Variants in DAAM1 observed in about 807,000 individuals in gnomAD.
DAAM1 encodes the protein dishevelled associated activator of morphogenesis 1.
In DAAM1, 52 loss-of-function variants were observed where a neutral mutation model predicts 130.0. That is an observed-to-expected ratio of 0.40 (90% CI 0.32 to 0.50). The LOEUF is 0.50. Among genes scored for constraint, DAAM1 ranks in the 20% least tolerant of loss-of-function variants. The pLI, the probability that DAAM1 is intolerant of heterozygous loss-of-function variation, is 0.61. For synonymous variants in DAAM1, 452 were observed against 444.5 expected (o/e 1.02, Z -0.21); for missense variants, 1,134 against 1,303.8 (o/e 0.87, Z 2.01).
Position 59,326,947 on chromosome 14 carries a change from A to G in DAAM1, c.1328A>G (p.Asn443Ser). The G allele has an allele frequency of 6.2e-7, 1 of 1,614,022 alleles. No individual in the cohort carries two copies. Among genetic ancestry groups the G allele is most frequent in the Non-Finnish European group, 8.5e-7 (1 of 1,179,960 alleles). ...CTCTTACACAGGTTGGTTAATGAAAATGAAGTTAAGCAGTGGAAAGAACAA... is the reference window on the plus strand; with the variant it reads ...CTCTTACACAGGTTGGTTAATGAAAGTGAAGTTAAGCAGTGGAAAGAACAA... The part of the protein sequence containing the change: ...KNVVRMLVNE[N>S]EVKQWKEQAE... The change falls in exon 12 of 25, where the codon AAT becomes AGT. Residue 443 changes from asparagine to serine, a missense_variant. This residue lies in a region of DAAM1 where 391 missense variants were observed against 521.6 expected (regional missense o/e 0.75). Coordinates refer to ENST00000360909, the MANE Select transcript of DAAM1 (RefSeq NM_001270520.2).
chr14:59,257,151 A>T (rs1881932261), intron 1 of DAAM1, among the ~76,000 whole-genome samples: 1 of 152,124 alleles, frequency 6.6e-6, no homozygotes, highest in African/African-American at 2.4e-5. Flanking sequence ...TGATGATCTG[A>T]TTGGCTTCAA....
In DAAM1 at chr14:59,199,060, C is replaced by T. The variant is rs147449479; in HGVS notation, c.-38+10292C>T. ...AATGGAGATCGGTGAGGGAGAACTC[C>T]GATTTTTCGCCCCCAGTTTTCAGCC... On this transcript the variant is annotated intron_variant, in intron 1 of 24. Transcript: ENST00000360909. Among the ~76,000 whole-genome samples, 46 of 152,298 alleles carry T rather than the reference C, an allele frequency of 3.0e-4. No homozygotes were observed. The East Asian group carries it at 8.3e-3, about 27-fold the overall frequency.
rs59867327 is a variant in DAAM1, at chr14:59,360,487, C to T, written c.2634-315C>T. On this transcript the variant is annotated intron_variant, in intron 21 of 24. Transcript: ENST00000360909. ...AAGTATGGCAAGAGATTTATTTCTACATGAAGTAATTTGCTGAAGTGAGAT... is the reference window on the plus strand; with the variant it reads ...AAGTATGGCAAGAGATTTATTTCTATATGAAGTAATTTGCTGAAGTGAGAT... Among the ~76,000 whole-genome samples, 1,219 of 152,310 alleles carry T rather than the reference C, an allele frequency of 8.0e-3. 14 individuals are homozygous for T. The highest frequency in any genetic ancestry group is 0.028 in the African/African-American group (1,175 of 41,576).
At chr14:59,236,513 G>A (rs936871794) in intron 1 of DAAM1, among the ~76,000 whole-genome samples, 9 of 151,992 alleles carry the variant, frequency 5.9e-5, no homozygotes, top group African/African-American at 2.2e-4. Context: ...TTTTTGCATG[G>A]CTGTCTTCTT....
chr14:59,338,341 C>A (rs2139646854), intron 15 of DAAM1: 1 of 1,606,970 alleles, frequency 6.2e-7, no homozygotes, highest in Non-Finnish European at 8.5e-7. Flanking sequence ...TTCTGAACTG[C>A]ATATATCTGA....
intron 2 of DAAM1, among the ~76,000 whole-genome samples, chr14:59,270,045 A>G (rs1241765972): frequency 6.6e-6 from 1 of 152,224 alleles, no homozygotes; most frequent in African/African-American, 2.4e-5. Context: ...TGAACCAAAT[A>G]TAATGAAGTA....
At chr14:59,216,747 T>C (rs1160743898) in intron 1 of DAAM1, among the ~76,000 whole-genome samples, 1 of 152,090 alleles carries the variant, frequency 6.6e-6, no homozygotes, top group East Asian at 1.9e-4. Context: ...GTCAATTTCA[T>C]ATCACCATGA....
intron 16 of DAAM1, among the ~76,000 whole-genome samples, chr14:59,344,564 T>C (rs1052558913): frequency 5.9e-5 from 9 of 152,188 alleles, no homozygotes; most frequent in African/African-American, 9.6e-5. Context: ...GGTACCTTTC[T>C]CCCCTTTCCC....
intron 5 of DAAM1, among the ~76,000 whole-genome samples, chr14:59,322,346 T>C (rs1885042481): frequency 6.6e-6 from 1 of 151,518 alleles, no homozygotes; most frequent in African/African-American, 2.4e-5. Context: ...TCTCCACCTC[T>C]TAAAAAAAAA....
intron 5 of DAAM1, among the ~76,000 whole-genome samples, chr14:59,321,464 A>G (rs1885007203): frequency 1.3e-5 from 2 of 152,252 alleles, no homozygotes; most frequent in Non-Finnish European, 2.9e-5. Context: ...TACAAGTATT[A>G]CTTTTCTTTA....
At chr14:59,228,239 G>GA (rs958077665) in intron 1 of DAAM1, among the ~76,000 whole-genome samples, 2 of 151,938 alleles carry the variant, frequency 1.3e-5, no homozygotes, top group African/African-American at 4.8e-5. Context: ...TTTCTTTATG[G>GA]AAAAAAATAA....
At chr14:59,261,301 A>G (rs1237874953) in intron 1 of DAAM1, among the ~76,000 whole-genome samples, 1 of 152,156 alleles carries the variant, frequency 6.6e-6, no homozygotes, top group African/African-American at 2.4e-5. Flanking sequence ...TATTATAACT[A>G]TCTGGTGAAC....
chr14:59,189,601 G>A (rs570590766), intron 1 of DAAM1, among the ~76,000 whole-genome samples: 7 of 152,184 alleles, frequency 4.6e-5, no homozygotes, highest in Non-Finnish European at 1.0e-4. Flanking sequence ...TAGCGCGGGG[G>A]TGGAGGTGTC....
At chr14:59,191,692 C>T (rs181778568) in intron 1 of DAAM1, among the ~76,000 whole-genome samples, 5 of 152,252 alleles carry the variant, frequency 3.3e-5, no homozygotes, top group Admixed American at 1.3e-4. Context: ...TCTTATTACC[C>T]CTGAACCAGG....
At chr14:59,213,245 C>T (rs1196042405) in intron 1 of DAAM1, among the ~76,000 whole-genome samples, 1 of 151,504 alleles carries the variant, frequency 6.6e-6, no homozygotes, top group Non-Finnish European at 1.5e-5. Context: ...CCCCTCCCTT[C>T]CCCCGTATCC....
At chr14:59,235,397 T>C (rs1428189380) in intron 1 of DAAM1, among the ~76,000 whole-genome samples, 1 of 152,228 alleles carries the variant, frequency 6.6e-6, no homozygotes, top group African/African-American at 2.4e-5. Flanking sequence ...CAGGAATTTA[T>C]CCATTTCTTC....
chr14:59,325,906 G>T lies in DAAM1; in HGVS notation c.1057-54G>T, dbSNP rs1193826544. The stretch of plus-strand genomic sequence containing the variant: ...GTTTGCTTTGAGTTTACTTTACACT[G>T]GGGAAACTGAGGAACTTAGATGTTT... On this transcript the variant is annotated intron_variant, in intron 9 of 24. Coordinates refer to ENST00000360909, the MANE Select transcript of DAAM1 (RefSeq NM_001270520.2). 1.9e-6 allele frequency: 3 copies of T among 1,566,732 alleles called. No individual in the cohort carries two copies. The African/African-American group carries it at 4.1e-5, about 21-fold the overall frequency.
intron 1 of DAAM1, among the ~76,000 whole-genome samples, chr14:59,220,858 C>T (rs1452764842): frequency 6.6e-6 from 1 of 152,146 alleles, no homozygotes; most frequent in African/African-American, 2.4e-5. Context: ...TCTACCTGGG[C>T]CCTAAACCGA....
intron 3 of DAAM1, among the ~76,000 whole-genome samples, chr14:59,301,818 C>T (rs868847365): frequency 2.0e-5 from 3 of 152,138 alleles, no homozygotes; most frequent in Admixed American, 6.5e-5. Context: ...ATTTTGAGCT[C>T]GTTTCTACAG....
Sources: allele counts gnomAD v4.1 joint callset (sites outside exome capture counted in the v4.1 genomes callset), GRCh38; gene constraint gnomAD v4.1.1; regional missense constraint gnomAD v4.1.1; transcripts MANE v1.5; gene names NCBI Gene and HGNC (gene_info 2026-07-23, HGNC 2026-07-21).